Variants in STK33 observed in about 807,000 individuals in gnomAD.
STK33 encodes serine/threonine-protein kinase 33.
STK33 carries 52 observed loss-of-function variants against 58.0 expected under a neutral mutation model. The observed-to-expected ratio is 0.90, with a 90% confidence interval of 0.72 to 1.13. The LOEUF (loss-of-function observed/expected upper bound fraction) is 1.13, where lower values mean the gene tolerates loss of function less well. Ranked by LOEUF, STK33 falls within the 50% of genes most tolerant of loss-of-function variation. The probability of loss-of-function intolerance (pLI) is 0.00; values close to 1 mark genes in which losing one functional copy is unlikely to be tolerated. For missense variants in STK33, 630 were observed against 604.2 expected (o/e 1.04, Z -0.45); for synonymous variants, 215 against 200.1 (o/e 1.07, Z -0.63).
chr11:8,509,445 T>A (rs1358119660), intron 1 of STK33, among the ~76,000 whole-genome samples: 1 of 152,202 alleles, frequency 6.6e-6, no homozygotes, highest in Non-Finnish European at 1.5e-5. Context: ...ATTAAACGTT[T>A]TCCAGCAGAT....
intron 1 of STK33, among the ~76,000 whole-genome samples, chr11:8,539,053 C>T (rs1212864887): frequency 6.6e-6 from 1 of 152,032 alleles, no homozygotes; most frequent in Non-Finnish European, 1.5e-5. Context: ...ATCTCTTTGT[C>T]CCTTGATATG....
intron 1 of STK33, among the ~76,000 whole-genome samples, chr11:8,490,129 G>A (rs532467648): frequency 2.0e-5 from 3 of 152,360 alleles, no homozygotes; most frequent in South Asian, 4.1e-4. Context: ...CCTCACCCAG[G>A]AAGTGCAGGG....
the STK33 span, among the ~76,000 whole-genome samples, chr11:8,365,026 G>A: frequency 1.3e-5 from 2 of 150,556 alleles, no homozygotes; most frequent in African/African-American, 4.9e-5. Flanking sequence ...GTCATGATTG[G>A]GCTGAGATGG....
chr11:8,417,957 T>G (rs1393288317), intron 14 of STK33, among the ~76,000 whole-genome samples: 1 of 152,156 alleles, frequency 6.6e-6, no homozygotes, highest in Admixed American at 6.6e-5. Context: ...TGGCACAGTA[T>G]GCAAACACAT....
At chr11:8,459,136 A>G (rs1462951502) in intron 8 of STK33, among the ~76,000 whole-genome samples, 1 of 152,202 alleles carries the variant, frequency 6.6e-6, no homozygotes, top group East Asian at 1.9e-4. Context: ...AATTTTAAAT[A>G]TATAAGTTGG....
chr11:8,555,252 G>C (rs1956654895), intron 1 of STK33: 1 of 152,308 alleles, frequency 6.6e-6, no homozygotes, highest in Non-Finnish European at 1.5e-5. Flanking sequence ...AGGCTGAGGG[G>C]AATAGGAGGG....
chr11:8,585,315 CCCAGGTTCAAGCAATTCT>C (rs2141440633), intron 1 of STK33, among the ~76,000 whole-genome samples: 1 of 150,398 alleles, frequency 6.6e-6, no homozygotes, highest in African/African-American at 2.5e-5. Context: ...ACCTCTGCCT[CCCAGGTTCAAGCAATTCT>C]CCTGCCTCAA....
intron 1 of STK33, among the ~76,000 whole-genome samples, chr11:8,571,650 G>A (rs1238171754): frequency 6.6e-6 from 1 of 151,914 alleles, no homozygotes; most frequent in Admixed American, 6.6e-5. Context: ...TGGCTAACAC[G>A]GTGAAACCTT....
chr11:8,379,585 C>A, the STK33 span, among the ~76,000 whole-genome samples: 43 of 152,154 alleles, frequency 2.8e-4, no homozygotes, highest in Admixed American at 2.8e-3. Context: ...ATTAGAACCA[C>A]AATGAGGTAC....
chr11:8,513,433 G>T (rs1006223981), intron 1 of STK33, among the ~76,000 whole-genome samples: 1 of 152,114 alleles, frequency 6.6e-6, no homozygotes, highest in African/African-American at 2.4e-5. Context: ...CACTATTCAT[G>T]AATGCTGGTT....
At chr11:8,418,071 A>T (rs1222978859) in intron 14 of STK33, among the ~76,000 whole-genome samples, 2 of 151,924 alleles carry the variant, frequency 1.3e-5, no homozygotes, top group Non-Finnish European at 2.9e-5. Context: ...TTTGGGATAT[A>T]ATGCTGGCTT....
chr11:8,376,554 T>C, the STK33 span, among the ~76,000 whole-genome samples: 20 of 152,094 alleles, frequency 1.3e-4, no homozygotes, highest in Non-Finnish European at 2.2e-4. Flanking sequence ...TTTTTCTTTT[T>C]TTTTTTTAGA....
chr11:8,593,018 T>G (rs2032857820), intron 1 of STK33, among the ~76,000 whole-genome samples: 1 of 152,178 alleles, frequency 6.6e-6, no homozygotes, highest in Admixed American at 6.5e-5. Context: ...AGATTTGGTT[T>G]GAAGATAAAA....
chr11:8,392,065 T>A lies in STK33; in HGVS notation c.*445A>T. The stretch of plus-strand genomic sequence containing the variant: ...TTCTGCTGTAATACGTATGGCAAGT[T>A]TATTAGTAATTTTCTAACAAAGTCT... On this transcript the variant is annotated 3_prime_UTR_variant, in exon 16 of 16. Transcript: ENST00000687296. 5.9e-6 allele frequency: 1 copy of A among 168,308 alleles called. No individual in the cohort carries two copies. The highest frequency in any genetic ancestry group is 1.7e-4 in the East Asian group (1 of 5,948). 10.4% of individuals were successfully genotyped at this position (168,308 alleles called of 1,614,324 possible). A position where few individuals can be genotyped will look rare whatever the true frequency, so the allele number is the denominator to read the frequency against.
chr11:8,455,929 G>A (rs908378791), intron 9 of STK33, among the ~76,000 whole-genome samples: 3 of 151,588 alleles, frequency 2.0e-5, no homozygotes, highest in African/African-American at 7.3e-5. Context: ...CAATCCCCAG[G>A]CTTTGTTTTT....
At chr11:8,350,835 A>G in the STK33 span, among the ~76,000 whole-genome samples, 3 of 152,130 alleles carry the variant, frequency 2.0e-5, no homozygotes, top group African/African-American at 7.2e-5. Flanking sequence ...CATGCTGTCC[A>G]CCCTGTAGCC....
intron 1 of STK33, among the ~76,000 whole-genome samples, chr11:8,549,369 T>G (rs1439260517): frequency 2.0e-5 from 3 of 152,186 alleles, no homozygotes; most frequent in Non-Finnish European, 4.4e-5. Context: ...TTGAATTTGG[T>G]TTGCTAGTGT....
chr11:8,487,068 G>A (rs564259544), intron 1 of STK33, among the ~76,000 whole-genome samples: 2 of 152,246 alleles, frequency 1.3e-5, no homozygotes, highest in East Asian at 3.9e-4. Context: ...AGTTGTAAGA[G>A]GTAGTGGATA....
intron 1 of STK33, among the ~76,000 whole-genome samples, chr11:8,517,964 A>C (rs1468675743): frequency 6.6e-6 from 1 of 152,204 alleles, no homozygotes; most frequent in Non-Finnish European, 1.5e-5. Context: ...AGGCAGGCCA[A>C]CATTCAAATT....
Sources: gnomAD v4.1 joint callset for allele counts (sites outside exome capture counted in the v4.1 genomes callset) on GRCh38, gnomAD v4.1.1 for gene constraint, MANE v1.5 for transcripts, NCBI Gene and HGNC (gene_info 2026-07-23, HGNC 2026-07-21) for gene names.